Variants in UGT2B17 observed in about 807,000 individuals in gnomAD.
The protein encoded by UGT2B17 is UDP glucuronosyltransferase family 2 member B17.
UGT2B17 carries 21 observed loss-of-function variants against 48.2 expected under a neutral mutation model. That is an observed-to-expected ratio of 0.44 (90% CI 0.31 to 0.63). UGT2B17 has a LOEUF of 0.63. UGT2B17 is among the 20% of genes least tolerant of loss of function. The probability of loss-of-function intolerance (pLI) is 0.08; values close to 1 mark genes in which losing one functional copy is unlikely to be tolerated. For synonymous variants in UGT2B17, 146 were observed against 238.4 expected, an observed-to-expected ratio of 0.61 and a Z score of 3.57; for missense variants, 402 against 696.1, an observed-to-expected ratio of 0.58 and a Z score of 4.75.
rs1354654997 is a variant in UGT2B17, at chr4:68,547,665, C to G, written c.1313+3012G>C. On this transcript the variant is annotated intron_variant, in intron 6 of 6. Transcript: ENST00000317746. ...CCTACAGAATGGGAGAACATTTTTG[C>G]AATCTACTCATCTGACAAAGGGCTA... 1.6e-5 allele frequency among the ~76,000 whole-genome samples: 2 copies of G among 125,986 alleles called. 1 individual carries two copies. The highest frequency in any genetic ancestry group is 3.4e-5 in the Non-Finnish European group (2 of 59,528). The allele number at this position is 125,986 out of a possible 152,430, so 82.7% of individuals were successfully genotyped here. A position where few individuals can be genotyped will look rare whatever the true frequency, so the allele number is the denominator to read the frequency against.
intron 6 of UGT2B17, among the ~76,000 whole-genome samples, chr4:68,545,072 A>G (rs1730770155): frequency 7.9e-6 from 1 of 125,986 alleles, no homozygotes; most frequent in African/African-American, 2.7e-5. Context: ...CACGAAGAGG[A>G]CCTAATAGAC....
chr4:68,565,579 A>G lies in UGT2B17; in HGVS notation c.866T>C (p.Leu289Ser), dbSNP rs1731183072. ...GGLHCKPAKP[L>S]PKEMEEFVQS... is the part of the protein sequence containing the mutation. The stretch of plus-strand genomic sequence containing the variant: ...AAACAAGAATATGTTCACCTTAGGC[A>G]AGGGTTTGGCTGGTTTACAGTGAAG... The change falls in exon 3 of 7, where the codon TTG becomes TCG. Residue 289 changes from leucine (L) to serine (S), a missense_variant. Physicochemically the swap from Leu to Ser is moderately radical, Grantham distance 145. This residue lies in a region of UGT2B17 where 106 missense variants were observed against 169.8 expected (regional missense o/e 0.62). Transcript: ENST00000317746. 7.3e-7 allele frequency: 1 copy of G among 1,369,206 alleles called. No homozygotes were observed. The highest frequency in any genetic ancestry group is 1.5e-5 in the African/African-American group (1 of 67,270). The allele number at this position is 1,369,206 out of a possible 1,614,324, so 84.8% of individuals were successfully genotyped here. A position where few individuals can be genotyped will look rare whatever the true frequency, so the allele number is the denominator to read the frequency against.
chr4:68,570,201 C>A (rs1274619009), intron 1 of UGT2B17, among the ~76,000 whole-genome samples: 1 of 126,796 alleles, frequency 7.9e-6, no homozygotes, highest in African/African-American at 2.7e-5. Context: ...CAATTTTTGT[C>A]CTTTTTAAGG....
chr4:68,553,500 G>A (rs1730950854), intron 4 of UGT2B17, among the ~76,000 whole-genome samples: 1 of 126,016 alleles, frequency 7.9e-6, no homozygotes, highest in Admixed American at 8.1e-5. Flanking sequence ...TCTTTGTGGA[G>A]TTTCAAGAGT....
chr4:68,554,993 G>A lies in UGT2B17; in HGVS notation c.1006-3082C>T, dbSNP rs1730977090. On this transcript the variant is annotated intron_variant, in intron 4 of 6. Transcript: ENST00000317746. ...ATATATAAAAGAGCTCTAATTAATT[G>A]GCTTAAGAAAATAAAAGTGCTTGAA... Among the ~76,000 whole-genome samples, 3 of 123,088 alleles carry A rather than the reference G, an allele frequency of 2.4e-5. 1 individual carries two copies. The highest frequency in any genetic ancestry group is 5.1e-5 in the Non-Finnish European group (3 of 58,390). 80.8% of individuals were successfully genotyped at this position (123,088 alleles called of 152,430 possible). A position where few individuals can be genotyped will look rare whatever the true frequency, so the allele number is the denominator to read the frequency against.
chr4:68,551,334 G>T lies in UGT2B17; in HGVS notation c.1094-438C>A, dbSNP rs1242538825. ...ATACTTAAATTTTTTTTTAAAGGCA[G>T]CAAGGAGTAGGGTGGAGGTGGTGCT... is the stretch of plus-strand genomic sequence containing the variant. On this transcript the variant is annotated intron_variant, in intron 5 of 6. Coordinates refer to ENST00000317746, the MANE Select transcript of UGT2B17 (RefSeq NM_001077.4). Among the ~76,000 whole-genome samples, 2 of 124,328 alleles carry T rather than the reference G, an allele frequency of 1.6e-5. 1 individual carries two copies. The highest frequency in any genetic ancestry group is 3.4e-5 in the Non-Finnish European group (2 of 58,984). The allele number at this position is 124,328 out of a possible 152,430, so 81.6% of individuals were successfully genotyped here.
Position 68,558,793 on chromosome 4 carries a change from G to A in UGT2B17, c.1005+1744C>T, listed in dbSNP as rs1173354531. ...TGAAAATAAACCTGGGGGCCCCAAA[G>A]TCACTAAGCAAATCACTGCCTCCCA... On this transcript the variant is annotated intron_variant, in intron 4 of 6. Transcript: ENST00000317746. 3.2e-5 allele frequency among the ~76,000 whole-genome samples: 4 copies of A among 125,286 alleles called. 1 individual carries two copies. The highest frequency in any genetic ancestry group is 8.3e-5 in the Admixed American group (1 of 12,088). 82.2% of individuals were successfully genotyped at this position (125,286 alleles called of 152,430 possible).
At chr4:68,563,529 T>G (rs1448912965) in intron 3 of UGT2B17, among the ~76,000 whole-genome samples, 1 of 126,648 alleles carries the variant, frequency 7.9e-6, no homozygotes, top group African/African-American at 2.7e-5. Flanking sequence ...AGAATCAGAA[T>G]CACTTGAACC....
intron 4 of UGT2B17, among the ~76,000 whole-genome samples, chr4:68,555,736 A>G (rs1467794424): frequency 8.1e-6 from 1 of 124,176 alleles, no homozygotes; most frequent in Non-Finnish European, 1.7e-5. Flanking sequence ...AATAATAGAT[A>G]TTTCATTGTT....
rs1264461031 is a variant in UGT2B17, at chr4:68,546,791, C to A, written c.1313+3886G>T. Among the ~76,000 whole-genome samples, 10 of 124,260 alleles carry A rather than the reference C, an allele frequency of 8.0e-5. 2 individuals are homozygous for A. Among genetic ancestry groups the A allele is most frequent in the Non-Finnish European group, 1.2e-4 (7 of 58,988 alleles). The allele number at this position is 124,260 out of a possible 152,430, so 81.5% of individuals were successfully genotyped here. A position where few individuals can be genotyped will look rare whatever the true frequency, so the allele number is the denominator to read the frequency against. On this transcript the variant is annotated intron_variant, in intron 6 of 6. Coordinates refer to ENST00000317746, the MANE Select transcript of UGT2B17 (RefSeq NM_001077.4). ...TTCTTATACACCCATAACAGACAAACAGAGAGCCAAATCATGAGTGAACTC... is the reference window on the plus strand; with the variant it reads ...TTCTTATACACCCATAACAGACAAAAAGAGAGCCAAATCATGAGTGAACTC...
chr4:68,546,916 G>A (rs1318823766), intron 6 of UGT2B17, among the ~76,000 whole-genome samples: 1 of 124,956 alleles, frequency 8.0e-6, no homozygotes, highest in Non-Finnish European at 1.7e-5. Context: ...ACTGCTCAAG[G>A]AAATAAAAGA....
chr4:68,573,584 C>T (rs1731326865), intron 1 of UGT2B17, among the ~76,000 whole-genome samples: 1 of 125,878 alleles, frequency 7.9e-6, no homozygotes, highest in African/African-American at 2.7e-5. Context: ...ATAAGGGGCT[C>T]CTCTCACTTT....
intron 4 of UGT2B17, among the ~76,000 whole-genome samples, chr4:68,556,693 C>G (rs918068246): frequency 2.4e-5 from 3 of 125,524 alleles, no homozygotes; most frequent in Non-Finnish European, 5.1e-5. Flanking sequence ...ATCTTATGGT[C>G]AAGATTAGAA....
Position 68,549,368 on chromosome 4 carries a change from T to G in UGT2B17, c.1313+1309A>C, listed in dbSNP as rs184193098. ...AAGTAAAAAAAAAAAAAAATCTATC[T>G]GCCCATAGTGGAAGAAAATATATGA... On this transcript the variant is annotated intron_variant, in intron 6 of 6. Coordinates refer to ENST00000317746, the MANE Select transcript of UGT2B17 (RefSeq NM_001077.4). Among the ~76,000 whole-genome samples the G allele has an allele frequency of 4.7e-3, 575 of 123,004 alleles. 133 individuals are homozygous for G. Among genetic ancestry groups the G allele is most frequent in the Non-Finnish European group, 7.7e-3 (450 of 58,496 alleles). The allele number at this position is 123,004 out of a possible 152,430, so 80.7% of individuals were successfully genotyped here.
In UGT2B17 at chr4:68,576,179, G is replaced by A. The variant is rs115868348; in HGVS notation, c.-293C>T. ...ACCTAAGGGGCTGCCTCAGCCTTCC[G>A]TCAGTCACCTTGCTTCTGGGTCAGG... On this transcript the variant is annotated 5_prime_UTR_variant, in exon 1 of 7. The change creates a new upstream start codon in the 5' untranslated region. Transcript: ENST00000317746. Among the ~76,000 whole-genome samples, 1,739 of 125,364 alleles carry A rather than the reference G, an allele frequency of 0.014. 366 individuals are homozygous for A. Among genetic ancestry groups the A allele is most frequent in the African/African-American group, 0.039 (1,439 of 36,472 alleles). 82.2% of individuals were successfully genotyped at this position (125,364 alleles called of 152,430 possible).
Position 68,575,044 on chromosome 4 carries a change from A to G in UGT2B17, c.-65+907T>C, listed in dbSNP as rs577576219. Among the ~76,000 whole-genome samples, 228 of 122,750 alleles carry G rather than the reference A, an allele frequency of 1.9e-3. 49 individuals are homozygous for G. The highest frequency in any genetic ancestry group is 3.2e-3 in the Non-Finnish European group (188 of 58,782). 80.5% of individuals were successfully genotyped at this position (122,750 alleles called of 152,430 possible). A position where few individuals can be genotyped will look rare whatever the true frequency, so the allele number is the denominator to read the frequency against. The stretch of plus-strand genomic sequence containing the variant: ...AGACTGTCTAAGGCCACAAGATTAG[A>G]AGTTACCATAATATGTGTTACACTG... On this transcript the variant is annotated intron_variant, in intron 1 of 6. Transcript: ENST00000317746.
chr4:68,539,358 TA>T lies in UGT2B17; in HGVS notation c.1314-1455del, dbSNP rs1730613074. Among the ~76,000 whole-genome samples the T allele has an allele frequency of 2.4e-5, 3 of 125,882 alleles. 1 individual carries two copies. In the South Asian group the frequency reaches 1.1e-3, roughly 46 times the overall value. 82.6% of individuals were successfully genotyped at this position (125,882 alleles called of 152,430 possible). On this transcript the variant is annotated intron_variant, in intron 6 of 6. Coordinates refer to ENST00000317746, the MANE Select transcript of UGT2B17 (RefSeq NM_001077.4). ...TTTCTGTTTTTGTTTAGCAGTTGTT[TA>T]ATTGCACTGGTGTAGAGTATTCAGT...
Position 68,539,662 on chromosome 4 carries a change from AT to A in UGT2B17, c.1314-1759del, listed in dbSNP as rs1471674297. On this transcript the variant is annotated intron_variant, in intron 6 of 6. Coordinates refer to ENST00000317746, the MANE Select transcript of UGT2B17 (RefSeq NM_001077.4). ...GTTATCATTTTCTGGATGATTTATAATTTGATTCTAGTATGACTAGAACATA... is the reference window on the plus strand; with the variant it reads ...GTTATCATTTTCTGGATGATTTATAATTGATTCTAGTATGACTAGAACATA... 5.6e-4 allele frequency among the ~76,000 whole-genome samples: 69 copies of A among 123,934 alleles called. 18 individuals are homozygous for A. The highest frequency in any genetic ancestry group is 7.9e-3 in the Middle Eastern group (2 of 252). The allele number at this position is 123,934 out of a possible 152,430, so 81.3% of individuals were successfully genotyped here.
Position 68,537,786 on chromosome 4 carries a change from G to A in UGT2B17, c.1432C>T (p.Arg478Trp), listed in dbSNP as rs764133190. 2.3e-5 allele frequency: 32 copies of A among 1,379,722 alleles called. 13 individuals are homozygous for A. The South Asian group carries it at 4.7e-4, about 20-fold the overall frequency. The allele number at this position is 1,379,722 out of a possible 1,614,324, so 85.5% of individuals were successfully genotyped here. A position where few individuals can be genotyped will look rare whatever the true frequency, so the allele number is the denominator to read the frequency against. The change falls in exon 7 of 7, where the codon CGG becomes TGG. Residue 478 changes from arginine (R) to tryptophan (W), a missense_variant. By Grantham distance (101) the Arg-to-Trp change is moderately radical. Coordinates refer to ENST00000317746, the MANE Select transcript of UGT2B17 (RefSeq NM_001077.4). ...CAGGTGAGGTTGTGGGCTGCGACCC[G>A]AAGGTGCTTGGCTCCTTTATGGCGC... ...VMRHKGAKHL[R>W]VAAHNLTWIQ... is the part of the protein sequence containing the mutation.
Sources: gnomAD v4.1 joint callset for allele counts (sites outside exome capture counted in the v4.1 genomes callset) on GRCh38, gnomAD v4.1.1 for gene constraint, gnomAD v4.1.1 regional missense constraint, MANE v1.5 for transcripts, NCBI Gene and HGNC (gene_info 2026-07-23, HGNC 2026-07-21) for gene names.